GTF2A1L: variants seen among roughly 807,000 people sequenced by gnomAD.
GTF2A1L encodes TFIIA-alpha and beta-like factor.
Under a neutral mutation model 49.7 loss-of-function variants are expected in GTF2A1L, and 48 were observed. That is an observed-to-expected ratio of 0.97 (90% CI 0.77 to 1.23). The LOEUF is 1.23. Among genes scored for constraint, GTF2A1L ranks in the 50% most tolerant of loss-of-function variants. GTF2A1L has a pLI of 0.00. For synonymous variants in GTF2A1L, 246 were observed against 193.5 expected (o/e 1.27, Z -2.25); for missense variants, 736 against 564.8 (o/e 1.30, Z -3.07).
chr2:48,635,585 C>T (rs533470982), intron 3 of GTF2A1L, among the ~76,000 whole-genome samples: 21 of 152,218 alleles, frequency 1.4e-4, no homozygotes, highest in Admixed American at 1.2e-3. Flanking sequence ...GCAACTGTAG[C>T]AGCTCTCCTC....
intron 6 of GTF2A1L, among the ~76,000 whole-genome samples, chr2:48,663,638 T>A (rs1342517542): frequency 4.6e-5 from 7 of 152,124 alleles, no homozygotes; most frequent in African/African-American, 9.7e-5. Context: ...CATTTAAAAA[T>A]TTTTTTTATT....
At chr2:48,634,028 C>T (rs1473075254) in intron 3 of GTF2A1L, among the ~76,000 whole-genome samples, 2 of 152,018 alleles carry the variant, frequency 1.3e-5, no homozygotes, top group African/African-American at 2.4e-5. Context: ...GTTTTATGTG[C>T]ATCTTGTTTT....
At chr2:48,634,659 A>T (rs1182058681) in intron 3 of GTF2A1L, among the ~76,000 whole-genome samples, 1 of 152,202 alleles carries the variant, frequency 6.6e-6, no homozygotes, top group African/African-American at 2.4e-5. Flanking sequence ...TATGAAACTT[A>T]ACTTGGCAGG....
At chr2:48,678,786 G>T (rs1448287875) in intron 8 of GTF2A1L, among the ~76,000 whole-genome samples, 2 of 151,832 alleles carry the variant, frequency 1.3e-5, no homozygotes, top group African/African-American at 4.8e-5. Context: ...GATAATATTG[G>T]CTACATCTTC....
In GTF2A1L at chr2:48,626,903, G is replaced by A. The variant is rs547468027; in HGVS notation, c.247+5613G>A. On this transcript the variant is annotated intron_variant, in intron 3 of 8. Transcript: ENST00000403751. ...GAATTTTATTTTTTAAGATGCTATT[G>A]TAAATGAGATTGTTTTTATGATTTT... 1.4e-5 allele frequency among the ~76,000 whole-genome samples: 2 copies of A among 144,228 alleles called. 1 individual carries two copies. The highest frequency in any genetic ancestry group is 4.7e-4 in the South Asian group (2 of 4,288). The allele number at this position is 144,228 out of a possible 152,430, so 94.6% of individuals were successfully genotyped here.
chr2:48,630,828 G>A (rs1308389692), intron 3 of GTF2A1L, among the ~76,000 whole-genome samples: 3 of 150,006 alleles, frequency 2.0e-5, no homozygotes, highest in Non-Finnish European at 4.4e-5. Flanking sequence ...ATGAAGTCAT[G>A]TTGGATTTTA....
rs141443526 is a variant in GTF2A1L at position 48,671,427 on chromosome 2, C to T, written c.1240-164C>T. On this transcript the variant is annotated intron_variant, in intron 7 of 8. Transcript: ENST00000403751. Reference sequence around the variant, plus strand: ...CCATGTTGCCCAAGTAAGTCTTGAACTCCTGGCCTCAAGCAATCTGCCTGC... The same window carrying T: ...CCATGTTGCCCAAGTAAGTCTTGAATTCCTGGCCTCAAGCAATCTGCCTGC... Among the ~76,000 whole-genome samples, 90 of 152,276 alleles carry T rather than the reference C, an allele frequency of 5.9e-4. 1 individual carries two copies. The highest frequency in any genetic ancestry group is 2.0e-3 in the African/African-American group (85 of 41,546).
At chr2:48,635,912 GA>G (rs922818947) in intron 3 of GTF2A1L, among the ~76,000 whole-genome samples, 5 of 151,310 alleles carry the variant, frequency 3.3e-5, no homozygotes, top group African/African-American at 4.9e-5. Flanking sequence ...GGATTGGGAG[GA>G]AAAAAAAAGT....
At chr2:48,623,520 C>T (rs115939296) in intron 3 of GTF2A1L, among the ~76,000 whole-genome samples, 136 of 152,284 alleles carry the variant, frequency 8.9e-4, no homozygotes, top group African/African-American at 3.2e-3. Context: ...TTGCAGATTT[C>T]TCAACTTAGA....
intron 3 of GTF2A1L, among the ~76,000 whole-genome samples, chr2:48,637,337 T>A (rs1482557183): frequency 1.3e-5 from 2 of 152,242 alleles, no homozygotes; most frequent in Non-Finnish European, 2.9e-5. Context: ...TGTTATGCCA[T>A]GTTAGTGTAT....
intron 6 of GTF2A1L, chr2:48,647,268 G>C (rs1041450981): frequency 9.6e-6 from 4 of 416,074 alleles, no homozygotes; most frequent in Non-Finnish European, 1.7e-5. Flanking sequence ...GTACAGATCA[G>C]TAGTGTTATA....
intron 1 of GTF2A1L, among the ~76,000 whole-genome samples, chr2:48,619,495 TA>T (rs201916228): frequency 2.0e-5 from 3 of 148,918 alleles, no homozygotes; most frequent in Admixed American, 6.7e-5. Context: ...ATAATAATAA[TA>T]AAAAAAAAGC....
chr2:48,639,103 A>G (rs1479854770), intron 3 of GTF2A1L, among the ~76,000 whole-genome samples: 1 of 152,230 alleles, frequency 6.6e-6, no homozygotes, highest in Non-Finnish European at 1.5e-5. Flanking sequence ...AAGAATCAAT[A>G]TTATTAAAAT....
chr2:48,669,939 A>G lies in GTF2A1L; in HGVS notation c.1196A>G (p.Asn399Ser). 1 of 1,614,092 alleles carries G rather than the reference A, an allele frequency of 6.2e-7. No individual in the cohort carries two copies. The highest frequency in any genetic ancestry group is 1.1e-5 in the South Asian group (1 of 91,068). Residue 399 changes from asparagine to serine, a missense_variant, in exon 7 of 9, where the codon AAC becomes AGC. Transcript: ENST00000403751. The stretch of plus-strand genomic sequence containing the variant: ...ATTTCAAATGAGGATTCAGCCACAA[A>G]CAGTAGTGATAATGAAGACCCTCAA... The part of the protein sequence containing the change: ...DSISNEDSAT[N>S]SSDNEDPQVN...
At chr2:48,644,535 AG>A (rs1558730542) in intron 4 of GTF2A1L, among the ~76,000 whole-genome samples, 1 of 152,198 alleles carries the variant, frequency 6.6e-6, no homozygotes, top group Non-Finnish European at 1.5e-5. Context: ...TGTGATAATC[AG>A]GATAAATTTC....
chr2:48,668,827 C>A (rs923806594), intron 6 of GTF2A1L, among the ~76,000 whole-genome samples: 1 of 140,734 alleles, frequency 7.1e-6, no homozygotes, highest in African/African-American at 3.2e-5. Context: ...AGAGCGAGAC[C>A]CCGCCTCAAA....
chr2:48,619,944 T>C (rs1372537478), intron 1 of GTF2A1L, among the ~76,000 whole-genome samples: 2 of 152,206 alleles, frequency 1.3e-5, no homozygotes, highest in Non-Finnish European at 2.9e-5. Context: ...CTTCTTAGGT[T>C]CTGGTAGGAA....
At chr2:48,668,327 C>T (rs1678960435) in intron 6 of GTF2A1L, among the ~76,000 whole-genome samples, 1 of 152,110 alleles carries the variant, frequency 6.6e-6, no homozygotes, top group South Asian at 2.1e-4. Flanking sequence ...CCAAAACAAC[C>T]AGCATTATAG....
At chr2:48,676,338 G>C (rs1679464339) in intron 8 of GTF2A1L, among the ~76,000 whole-genome samples, 1 of 151,736 alleles carries the variant, frequency 6.6e-6, no homozygotes, top group South Asian at 2.1e-4. Flanking sequence ...CATAATGTGT[G>C]CAGATATATC....
Sources: allele counts gnomAD v4.1 joint callset (sites outside exome capture counted in the v4.1 genomes callset), GRCh38; gene constraint gnomAD v4.1.1; transcripts MANE v1.5; gene names NCBI Gene and HGNC (gene_info 2026-07-23, HGNC 2026-07-21).